RANBP2: variants seen among roughly 807,000 people sequenced by gnomAD.
RANBP2 encodes the protein RAN binding protein 2.
A neutral mutation model predicts 303.6 loss-of-function variants in RANBP2; 57 were observed. That is an observed-to-expected ratio of 0.19 (90% CI 0.15 to 0.23). RANBP2 has a LOEUF of 0.23. RANBP2 is among the 10% of genes least tolerant of loss of function. The pLI is 1.00. For synonymous variants in RANBP2, 1,167 were observed against 1,301.5 expected (o/e 0.90, Z 2.23); for missense variants, 3,138 against 3,780.8 (o/e 0.83, Z 4.46).
chr2:108,902,930 G>C, the RANBP2 span, among the ~76,000 whole-genome samples: 2 of 152,074 alleles, frequency 1.3e-5, no homozygotes, highest in Non-Finnish European at 2.9e-5. Context: ...GGAAAGAAAC[G>C]GTACACAGAT....
intron 4 of RANBP2, among the ~76,000 whole-genome samples, chr2:108,734,984 T>G (rs1304205111): frequency 6.6e-6 from 1 of 151,800 alleles, no homozygotes; most frequent in Non-Finnish European, 1.5e-5. Flanking sequence ...AAATGAGAAG[T>G]GAGTGGCCAC....
the RANBP2 span, among the ~76,000 whole-genome samples, chr2:109,675,409 C>T: frequency 4.6e-5 from 7 of 152,170 alleles, no homozygotes; most frequent in Admixed American, 2.0e-4. Flanking sequence ...TGGCCAGGTG[C>T]GGTGGCTCAT....
chr2:109,597,390 T>A, the RANBP2 span, among the ~76,000 whole-genome samples: 1 of 152,224 alleles, frequency 6.6e-6, no homozygotes, highest in South Asian at 2.1e-4. Context: ...GCCTGCTCTA[T>A]TGTTGACCAC....
chr2:109,152,533 G>A, the RANBP2 span, among the ~76,000 whole-genome samples: 1 of 152,352 alleles, frequency 6.6e-6, no homozygotes, highest in Admixed American at 6.5e-5. Context: ...ACAACGAAGT[G>A]TTTGAAAGTT....
chr2:109,208,702 A>G, the RANBP2 span, among the ~76,000 whole-genome samples: 6 of 152,204 alleles, frequency 3.9e-5, no homozygotes, highest in Non-Finnish European at 5.9e-5. Flanking sequence ...TTTTTCTGTA[A>G]TCCTGTACTG....
the RANBP2 span, among the ~76,000 whole-genome samples, chr2:109,106,367 C>A: frequency 6.6e-6 from 1 of 152,076 alleles, no homozygotes; most frequent in Admixed American, 6.6e-5. Flanking sequence ...ATGTCCTGTG[C>A]CTTTGTATGA....
the RANBP2 span, among the ~76,000 whole-genome samples, chr2:108,914,887 G>T: frequency 6.6e-6 from 1 of 152,118 alleles, no homozygotes; most frequent in Non-Finnish European, 1.5e-5. Context: ...CAAGGCTTCC[G>T]GGAGAAGCAA....
At chr2:109,705,782 T>G in the RANBP2 span, among the ~76,000 whole-genome samples, 1 of 152,186 alleles carries the variant, frequency 6.6e-6, no homozygotes, top group Non-Finnish European at 1.5e-5. Context: ...AAGGAGCTCT[T>G]GGACTCTTAC....
chr2:109,107,655 ACT>A, the RANBP2 span, among the ~76,000 whole-genome samples: 1 of 152,012 alleles, frequency 6.6e-6, no homozygotes, highest in Admixed American at 6.6e-5. Context: ...GATCAAAGAA[ACT>A]CAGCCTCAGC....
chr2:109,692,238 C>A, the RANBP2 span, among the ~76,000 whole-genome samples: 3 of 151,826 alleles, frequency 2.0e-5, no homozygotes, highest in African/African-American at 7.3e-5. Flanking sequence ...GGGGAACTGT[C>A]TCTGATAGGC....
At chr2:109,098,213 TG>T in the RANBP2 span, among the ~76,000 whole-genome samples, 1 of 152,194 alleles carries the variant, frequency 6.6e-6, no homozygotes, top group Non-Finnish European at 1.5e-5. Flanking sequence ...CACTAAGCCT[TG>T]TTGGGCAAAA....
rs554445057 is a variant in RANBP2 at position 108,745,373 on chromosome 2, C to CAAT, written c.976-1338_976-1337insAAT. Reference sequence around the variant, plus strand: ...GCATGTTTCTAGTAAGTGGGCATTGCCTATGACTGGACGTTTTCAGTGATG... The same window carrying CAAT: ...GCATGTTTCTAGTAAGTGGGCATTGCAATCTATGACTGGACGTTTTCAGTGATG... On this transcript the variant is annotated intron_variant, in intron 7 of 28. Transcript: ENST00000283195. Among the ~76,000 whole-genome samples, 159 of 147,450 alleles carry CAAT rather than the reference C, an allele frequency of 1.1e-3. 3 individuals carry two copies. The highest frequency in any genetic ancestry group is 3.9e-3 in the African/African-American group (155 of 39,616).
chr2:108,721,362 A>G (rs1161272914), intron 1 of RANBP2, among the ~76,000 whole-genome samples: 1 of 152,316 alleles, frequency 6.6e-6, no homozygotes, highest in East Asian at 1.9e-4. Flanking sequence ...CATAGTATAA[A>G]TATGAATGTG....
chr2:109,325,225 T>C, the RANBP2 span, among the ~76,000 whole-genome samples: 1 of 151,926 alleles, frequency 6.6e-6, no homozygotes, highest in Admixed American at 6.6e-5. Context: ...CTGGCATGGC[T>C]GGAGTCAAAG....
At chr2:109,220,682 G>T in the RANBP2 span, among the ~76,000 whole-genome samples, 1 of 152,164 alleles carries the variant, frequency 6.6e-6, no homozygotes, top group East Asian at 1.9e-4. Flanking sequence ...CATGTCATTT[G>T]TTACTAGAGG....
At chr2:109,583,736 C>A in the RANBP2 span, among the ~76,000 whole-genome samples, 1 of 152,174 alleles carries the variant, frequency 6.6e-6, no homozygotes, top group African/African-American at 2.4e-5. Context: ...TGGAATCAAC[C>A]TAGCTGCCCA....
chr2:109,069,489 C>T, the RANBP2 span, among the ~76,000 whole-genome samples: 5 of 152,338 alleles, frequency 3.3e-5, no homozygotes, highest in African/African-American at 1.2e-4. Flanking sequence ...TGCCTTCCGC[C>T]CTGCTGGCAA....
chr2:108,798,667 A>T, the RANBP2 span: 1 of 1,091,618 alleles, frequency 9.2e-7, no homozygotes, highest in South Asian at 1.6e-5. Flanking sequence ...ATTTTGTCAC[A>T]TTTGCTTATT....
At chr2:109,431,572 C>G in the RANBP2 span, among the ~76,000 whole-genome samples, 1 of 152,222 alleles carries the variant, frequency 6.6e-6, no homozygotes, top group Non-Finnish European at 1.5e-5. Flanking sequence ...ACTAAATTTG[C>G]TCTTTCCTTA....
Sources: gnomAD v4.1 joint callset for allele counts (sites outside exome capture counted in the v4.1 genomes callset) on GRCh38, gnomAD v4.1.1 for gene constraint, MANE v1.5 for transcripts, NCBI Gene and HGNC (gene_info 2026-07-23, HGNC 2026-07-21) for gene names.